SH2D4A: variants seen among roughly 807,000 people sequenced by gnomAD.
SH2D4A encodes SH2 domain-containing protein 4A.
In SH2D4A, 70 loss-of-function variants were observed where a neutral mutation model predicts 64.7. That is an observed-to-expected ratio of 1.08 (90% confidence interval 0.89 to 1.32). The LOEUF (loss-of-function observed/expected upper bound fraction) is 1.32, where lower values mean the gene tolerates loss of function less well. Among genes scored for constraint, SH2D4A ranks in the 40% most tolerant of loss-of-function variants. SH2D4A has a pLI of 0.00. For missense variants in SH2D4A, 706 were observed against 540.1 expected (o/e 1.31, Z -3.04); for synonymous variants, 268 against 200.7 (o/e 1.34, Z -2.83).
chr8:19,357,394 G>A (rs2052810177), intron 5 of SH2D4A, 111 bp downstream of exon 5: 1 of 826,978 alleles, frequency 1.2e-6, no homozygotes, highest in South Asian at 1.5e-5. Flanking sequence ...GCAGCAGGAT[G>A]GGAAATCTGT....
At position 19,393,514 on chromosome 8, in the gene SH2D4A, C is replaced by G; in HGVS notation, c.1245C>G (p.Thr415=). 1 of 1,614,234 alleles carries G rather than the reference C, an allele frequency of 6.2e-7. No homozygotes were observed. The highest frequency in any genetic ancestry group is 8.5e-7 in the Non-Finnish European group (1 of 1,180,050). The part of the protein sequence containing the change: ...FLGVDQLQHA[T]LADLVEYHKE... ...GCGTGGACCAGCTACAGCATGCCAC[C>G]TTGGCGGATTTGGTGGAATATCACA... is the stretch of plus-strand genomic sequence containing the variant. The change falls in exon 9 of 10, where the codon ACC becomes ACG. Residue 415 remains threonine, a synonymous_variant. Coordinates refer to ENST00000265807, the MANE Select transcript of SH2D4A (RefSeq NM_022071.4).
intron 2 of SH2D4A, among the ~76,000 whole-genome samples, chr8:19,323,369 C>T (rs963242443): frequency 7.9e-5 from 12 of 151,504 alleles, no homozygotes; most frequent in Admixed American, 5.9e-4. Flanking sequence ...TTAATTTCAC[C>T]TGTTCCTTTT....
chr8:19,388,937 C>G (rs141233894), intron 8 of SH2D4A, among the ~76,000 whole-genome samples: 5 of 152,262 alleles, frequency 3.3e-5, no homozygotes, highest in Non-Finnish European at 7.3e-5. Flanking sequence ...TCTGTGAATT[C>G]TTGGAGGATT....
intron 4 of SH2D4A, among the ~76,000 whole-genome samples, chr8:19,347,752 A>G (rs1358565558): frequency 1.3e-5 from 2 of 152,218 alleles, no homozygotes; most frequent in African/African-American, 4.8e-5. Flanking sequence ...TGGGATTCAA[A>G]GTATTACACG....
rs1056901442 is a variant in SH2D4A at position 19,361,385 on chromosome 8, A to G, written c.706+71A>G. 18 of 1,455,472 alleles carry G rather than the reference A, an allele frequency of 1.2e-5. No individual in the cohort carries two copies. In the African/African-American group the frequency reaches 2.3e-4, roughly 19 times the overall value. 90.2% of individuals were successfully genotyped at this position (1,455,472 alleles called of 1,614,324 possible). ...ATTCTCTCCCTTAATAATGTGATCA[A>G]TCTAGAAAGCGCTTAATGTGGGTTG... is the stretch of plus-strand genomic sequence containing the variant. On this transcript the variant is annotated intron_variant, in intron 6 of 9. Coordinates refer to ENST00000265807, the MANE Select transcript of SH2D4A (RefSeq NM_022071.4).
intron 1 of SH2D4A, among the ~76,000 whole-genome samples, chr8:19,317,674 C>A (rs1200333956): frequency 6.6e-6 from 1 of 152,020 alleles, no homozygotes; most frequent in African/African-American, 2.4e-5. Context: ...CTGAAGGAGG[C>A]CCCCAGATGG....
intron 8 of SH2D4A, among the ~76,000 whole-genome samples, chr8:19,386,425 T>C (rs1217840776): frequency 6.6e-6 from 1 of 152,228 alleles, no homozygotes; most frequent in African/African-American, 2.4e-5. Context: ...TGTTTGCCAG[T>C]AATGTGGGGA....
chr8:19,316,017 G>A (rs1256424241), intron 1 of SH2D4A, among the ~76,000 whole-genome samples: 1 of 152,194 alleles, frequency 6.6e-6, no homozygotes, highest in Non-Finnish European at 1.5e-5. Context: ...GGGAGTTGAG[G>A]CTGGAGTGCC....
chr8:19,314,658 A>G (rs1166609026), intron 1 of SH2D4A, among the ~76,000 whole-genome samples: 1 of 152,128 alleles, frequency 6.6e-6, no homozygotes, highest in Admixed American at 6.5e-5. Context: ...CATCGCTCCA[A>G]AGGCTTTCGT....
chr8:19,352,878 G>A (rs190104215), intron 4 of SH2D4A, among the ~76,000 whole-genome samples: 2 of 152,152 alleles, frequency 1.3e-5, no homozygotes, highest in African/African-American at 4.8e-5. Flanking sequence ...GTGTGGTAGT[G>A]CATGCTTGTA....
intron 4 of SH2D4A, among the ~76,000 whole-genome samples, chr8:19,344,186 G>C (rs890264336): frequency 1.3e-5 from 2 of 152,178 alleles, no homozygotes; most frequent in African/African-American, 4.8e-5. Flanking sequence ...CAGGTGGGAA[G>C]TCTGACATAG....
chr8:19,383,438 G>A (rs2053333732), intron 8 of SH2D4A, among the ~76,000 whole-genome samples: 1 of 145,138 alleles, frequency 6.9e-6, no homozygotes, highest in Non-Finnish European at 1.5e-5. Context: ...CTTACATTTT[G>A]TGCATACGTA....
chr8:19,366,923 A>G (rs1041327147), intron 7 of SH2D4A, among the ~76,000 whole-genome samples: 1 of 152,184 alleles, frequency 6.6e-6, no homozygotes, highest in African/African-American at 2.4e-5. Flanking sequence ...AAATGACAGG[A>G]CATTATTCTT....
intron 8 of SH2D4A, among the ~76,000 whole-genome samples, chr8:19,382,540 T>G (rs2053311773): frequency 6.6e-6 from 1 of 152,164 alleles, no homozygotes; most frequent in African/African-American, 2.4e-5. Flanking sequence ...TTTGCCAAAC[T>G]GTAGGGTAAT....
At position 19,324,611 on chromosome 8, in the gene SH2D4A, C is replaced by T. The variant is rs1482685295; in HGVS notation, c.181+4883C>T. Among the ~76,000 whole-genome samples the T allele has an allele frequency of 2.0e-5, 3 of 152,186 alleles. No individual in the cohort carries two copies. The East Asian group carries it at 5.8e-4, about 29-fold the overall frequency. ...CTCTCTCTTGGAGTTGCCGCCCAGT[C>T]ACGAGTGTCTTGCTCTCTCCCTGTT... On this transcript the variant is annotated intron_variant, in intron 2 of 9. Coordinates refer to ENST00000265807, the MANE Select transcript of SH2D4A (RefSeq NM_022071.4).
intron 4 of SH2D4A, among the ~76,000 whole-genome samples, chr8:19,342,935 T>C (rs2052551212): frequency 6.6e-6 from 1 of 152,122 alleles, no homozygotes; most frequent in Non-Finnish European, 1.5e-5. Context: ...TGAGCCAGTC[T>C]CATTCACCTC....
intron 9 of SH2D4A, among the ~76,000 whole-genome samples, 157 bp from the exon 10 acceptor site, chr8:19,394,393 G>C (rs1293969284): frequency 6.6e-6 from 1 of 152,146 alleles, no homozygotes. Context: ...GGAGTACCTG[G>C]TCACATGTAG....
At chr8:19,382,551 G>A (rs975432203) in intron 8 of SH2D4A, among the ~76,000 whole-genome samples, 5 of 152,154 alleles carry the variant, frequency 3.3e-5, no homozygotes, top group Admixed American at 1.3e-4. Flanking sequence ...GTAGGGTAAT[G>A]TAAATATTCT....
intron 2 of SH2D4A, among the ~76,000 whole-genome samples, chr8:19,326,204 C>T (rs1019161588): frequency 1.3e-5 from 2 of 152,218 alleles, no homozygotes; most frequent in African/African-American, 4.8e-5. Context: ...GCCTCAACTT[C>T]CTCATTGCAA....
Sources: gnomAD v4.1 joint callset for allele counts (sites outside exome capture counted in the v4.1 genomes callset) on GRCh38, gnomAD v4.1.1 for gene constraint, MANE v1.5 for transcripts, NCBI Gene and HGNC (gene_info 2026-07-23, HGNC 2026-07-21) for gene names.